EPHB1: variants seen among roughly 807,000 people sequenced by gnomAD.
EPHB1 encodes EPH receptor B1.
EPHB1 carries 30 observed loss-of-function variants against 94.4 expected under a neutral mutation model. That is an observed-to-expected ratio of 0.32 (90% CI 0.24 to 0.43). EPHB1 has a LOEUF of 0.43. Among genes scored for constraint, EPHB1 ranks in the 20% least tolerant of loss-of-function variants. The pLI, the probability that EPHB1 is intolerant of heterozygous loss-of-function variation, is 1.00. For synonymous variants in EPHB1, 522 were observed against 489.1 expected (o/e 1.07, Z -0.89); for missense variants, 1,055 against 1,308.3 (o/e 0.81, Z 2.99).
intron 5 of EPHB1, 66 bp from the exon 6 acceptor site, chr3:135,154,086 G>A (rs1941281249): frequency 2.5e-6 from 4 of 1,602,562 alleles, no homozygotes; most frequent in Non-Finnish European, 3.4e-6. Context: ...ACGTACCTCT[G>A]GAAGATGGCC....
At chr3:135,062,271 T>C (rs1191320259) in intron 3 of EPHB1, among the ~76,000 whole-genome samples, 1 of 152,216 alleles carries the variant, frequency 6.6e-6, no homozygotes, top group African/African-American at 2.4e-5. Flanking sequence ...CTCCACACTA[T>C]TTTTCATAGT....
At chr3:135,222,173 A>T (rs1943290688) in intron 12 of EPHB1, among the ~76,000 whole-genome samples, 1 of 152,216 alleles carries the variant, frequency 6.6e-6, no homozygotes, top group African/African-American at 2.4e-5. Context: ...TAATATGGGG[A>T]TAAGAACTTA....
At chr3:135,081,844 G>C (rs1337576429) in intron 3 of EPHB1, among the ~76,000 whole-genome samples, 1 of 152,086 alleles carries the variant, frequency 6.6e-6, no homozygotes, top group Non-Finnish European at 1.5e-5. Context: ...CCAACATCAG[G>C]AGAGCAAGAG....
chr3:135,141,005 A>G (rs1940806360), intron 5 of EPHB1, among the ~76,000 whole-genome samples: 1 of 152,188 alleles, frequency 6.6e-6, no homozygotes, highest in African/African-American at 2.4e-5. Context: ...TGGACCACAA[A>G]TATTTTTCAG....
chr3:135,002,381 G>A (rs1365320108), intron 3 of EPHB1, among the ~76,000 whole-genome samples: 1 of 152,180 alleles, frequency 6.6e-6, no homozygotes, highest in Non-Finnish European at 1.5e-5. Flanking sequence ...TTGCATCAAT[G>A]TTCATCAAGG....
At chr3:135,212,732 C>G (rs1302577945) in intron 12 of EPHB1, among the ~76,000 whole-genome samples, 1 of 152,200 alleles carries the variant, frequency 6.6e-6, no homozygotes. Flanking sequence ...GTTTGAGCCA[C>G]TGAGCAGACT....
chr3:135,032,072 T>C (rs1445614224), intron 3 of EPHB1, among the ~76,000 whole-genome samples: 1 of 152,092 alleles, frequency 6.6e-6, no homozygotes. Context: ...GTTTCTTCTT[T>C]TTCTAATACT....
chr3:135,035,408 G>A (rs903891282), intron 3 of EPHB1, among the ~76,000 whole-genome samples: 5 of 151,970 alleles, frequency 3.3e-5, no homozygotes, highest in Non-Finnish European at 7.4e-5. Flanking sequence ...TTGCTTGGGG[G>A]AAAAAAGAAC....
intron 3 of EPHB1, among the ~76,000 whole-genome samples, chr3:135,004,449 T>C (rs1935310395): frequency 6.6e-6 from 1 of 152,160 alleles, no homozygotes; most frequent in Non-Finnish European, 1.5e-5. Context: ...GGAGTTGCTC[T>C]TCTCCAGGAG....
intron 3 of EPHB1, among the ~76,000 whole-genome samples, chr3:134,958,780 A>C (rs1041319193): frequency 2.0e-5 from 3 of 152,148 alleles, no homozygotes; most frequent in Non-Finnish European, 2.9e-5. Context: ...TGACACCGGC[A>C]TGAGCAACAG....
At chr3:135,142,797 C>G (rs971858911) in intron 5 of EPHB1, among the ~76,000 whole-genome samples, 15 of 152,168 alleles carry the variant, frequency 9.9e-5, no homozygotes, top group Admixed American at 8.5e-4. Flanking sequence ...GGGCAAGGCT[C>G]AGGGTAGAGA....
intron 3 of EPHB1, among the ~76,000 whole-genome samples, chr3:135,099,558 A>G (rs2107795830): frequency 6.6e-6 from 1 of 152,368 alleles, no homozygotes; most frequent in African/African-American, 2.4e-5. Context: ...ATCCCAGTGC[A>G]GAAACCTCAT....
At chr3:135,137,781 T>C (rs990454903) in intron 5 of EPHB1, among the ~76,000 whole-genome samples, 1 of 152,210 alleles carries the variant, frequency 6.6e-6, no homozygotes, top group Non-Finnish European at 1.5e-5. Context: ...TGGGAATATG[T>C]CTTCAGCTAG....
intron 5 of EPHB1, among the ~76,000 whole-genome samples, chr3:135,142,719 G>A (rs1276605518): frequency 6.6e-6 from 1 of 152,162 alleles, no homozygotes; most frequent in African/African-American, 2.4e-5. Flanking sequence ...TGGCAGGCAT[G>A]GAAGAGTTGT....
At chr3:135,248,138 T>C (rs550223053) in intron 13 of EPHB1, among the ~76,000 whole-genome samples, 178 bp from the exon 14 acceptor site, 95 of 152,234 alleles carry the variant, frequency 6.2e-4, no homozygotes, top group African/African-American at 2.1e-3. Flanking sequence ...AGGAGCCCAA[T>C]GTCTAGGGGG....
intron 3 of EPHB1, among the ~76,000 whole-genome samples, chr3:135,052,882 A>AT (rs1937210950): frequency 9.0e-6 from 1 of 111,294 alleles, no homozygotes; most frequent in African/African-American, 4.8e-5. Context: ...AAAAAAAAAA[A>AT]AAAAAAAAAT....
intron 4 of EPHB1, among the ~76,000 whole-genome samples, chr3:135,126,688 C>A (rs1390219179): frequency 6.6e-6 from 1 of 152,184 alleles, no homozygotes; most frequent in African/African-American, 2.4e-5. Context: ...TACCAGAGAT[C>A]ATCTCTGAAT....
At position 135,166,066 on chromosome 3, in the gene EPHB1, G is replaced by A. The variant is rs202034365; in HGVS notation, c.1684G>A (p.Val562Ile). Residue 562 changes from valine to isoleucine, a missense_variant, in exon 8 of 16, where the codon GTC (valine) becomes ATC (isoleucine). Coordinates refer to ENST00000398015, the MANE Select transcript of EPHB1 (RefSeq NM_004441.5). ...FVVSLVAISI[V>I]CSRKRAYSKE... ...TGTGTCCTTGGTGGCCATCTCTATC[G>A]TCTGTAGCAGGTAGGTCCTCCACTC... 2,378 of 1,613,616 alleles carry A rather than the reference G, an allele frequency of 1.5e-3. 20 individuals are homozygous for A. Among genetic ancestry groups the A allele is most frequent in the South Asian group, 0.013 (1,161 of 91,066 alleles).
intron 3 of EPHB1, among the ~76,000 whole-genome samples, chr3:134,977,154 A>C (rs1358898491): frequency 6.6e-6 from 1 of 152,126 alleles, no homozygotes; most frequent in Non-Finnish European, 1.5e-5. Flanking sequence ...CACAATGTAC[A>C]CTAGAGGAGG....
Sources: gnomAD v4.1 joint callset for allele counts (sites outside exome capture counted in the v4.1 genomes callset) on GRCh38, gnomAD v4.1.1 for gene constraint, MANE v1.5 for transcripts, NCBI Gene and HGNC (gene_info 2026-07-23, HGNC 2026-07-21) for gene names.